Variants in SPTBN5 observed in about 807,000 individuals in gnomAD.
SPTBN5 encodes spectrin beta chain, non-erythrocytic 5.
In SPTBN5, 513 loss-of-function variants were observed where a neutral mutation model predicts 477.6. The ratio of observed to expected loss-of-function variants is 1.07; its 90% CI spans 1.00 to 1.16. The LOEUF is 1.16. Ranked by LOEUF, SPTBN5 falls within the 50% of genes most tolerant of loss-of-function variation. The probability of loss-of-function intolerance (pLI) is 0.00; values close to 1 mark genes in which losing one functional copy is unlikely to be tolerated. For missense variants in SPTBN5, 5,062 were observed against 4,731.8 expected, an observed-to-expected ratio of 1.07 and a Z score of -2.05; for synonymous variants, 2,169 against 2,011.7, an observed-to-expected ratio of 1.08 and a Z score of -2.09.
intron 43 of SPTBN5, 73 bp downstream of exon 43, chr15:41,862,465 AG>A: frequency 6.5e-7 from 1 of 1,541,516 alleles, no homozygotes. Flanking sequence ...AGGGGAACAC[AG>A]GGGCTGAGGG....
intron 13 of SPTBN5, 50 bp downstream of exon 13, chr15:41,880,984 C>A (rs2066930984): frequency 8.0e-6 from 12 of 1,497,728 alleles, no homozygotes; most frequent in South Asian, 1.2e-5. Context: ...TGCACAGGAG[C>A]TGCTGGCACA....
chr15:41,852,500 C>T (rs986934159), intron 61 of SPTBN5, 134 bp downstream of exon 61: 3 of 1,298,534 alleles, frequency 2.3e-6, no homozygotes, highest in Middle Eastern at 2.0e-4. Context: ...TCTCCCACCA[C>T]CGCAGCTGGC....
At position 41,880,200 on chromosome 15, in the gene SPTBN5, G is replaced by A. The variant is rs1251105266; in HGVS notation, c.2771C>T (p.Pro924Leu). The change falls in exon 14 of 68, where the codon CCC (proline) becomes CTC (leucine). Residue 924 changes from proline (P) to leucine (L), a missense_variant. Coordinates refer to ENST00000320955, the MANE Select transcript of SPTBN5 (RefSeq NM_016642.4). ...CATGACCTCCAGGGTGTCAGCCTGGGGCTGCACCCTTTGGAGCAGCACTGT... is the reference window on the plus strand; with the variant it reads ...CATGACCTCCAGGGTGTCAGCCTGGAGCTGCACCCTTTGGAGCAGCACTGT... ...KQTVLLQRVQ[P>L]QADTLEVMQL... 6.2e-7 allele frequency: 1 copy of A among 1,606,650 alleles called. No homozygotes were observed.
Position 41,871,813 on chromosome 15 carries a change from T to C in SPTBN5, c.5270A>G (p.Glu1757Gly). The change falls in exon 28 of 68, where the codon GAG (glutamate) becomes GGG (glycine). Residue 1757 changes from glutamate (E) to glycine (G), a missense_variant. By Grantham distance (98) the Glu-to-Gly change is moderately conservative. Transcript: ENST00000320955. The stretch of plus-strand genomic sequence containing the variant: ...GTGCTCGGGGTCCTCTCCCAGGCTC[T>C]CCCCTCCTTTGGCTGCCTGCTTCTG... ...ASQKQAAKGG[E>G]SLGEDPEHAL... is the part of the protein sequence containing the mutation. The C allele has an allele frequency of 6.3e-7, 1 of 1,591,846 alleles. No individual in the cohort carries two copies. Among genetic ancestry groups the C allele is most frequent in the East Asian group, 2.3e-5 (1 of 43,504 alleles).
rs764707126 is a variant in SPTBN5 at position 41,849,769 on chromosome 15, G to GTT, written c.11012+99_11012+100insAA. 1.6e-5 allele frequency: 15 copies of GTT among 910,754 alleles called. No individual in the cohort carries two copies. In the South Asian group the frequency reaches 2.0e-4, roughly 12 times the overall value. 56.4% of individuals were successfully genotyped at this position (910,754 alleles called of 1,614,324 possible). A position where few individuals can be genotyped will look rare whatever the true frequency, so the allele number is the denominator to read the frequency against. On this transcript the variant is annotated intron_variant, in intron 67 of 67. Coordinates refer to ENST00000320955, the MANE Select transcript of SPTBN5 (RefSeq NM_016642.4). ...TAGCATTTCCCTACAGCCCAACAGAGTAAGTCTGAGGCCCAGAACCTCAGG... is the reference window on the plus strand; with the variant it reads ...TAGCATTTCCCTACAGCCCAACAGAGTTTAAGTCTGAGGCCCAGAACCTCAGG...
At chr15:41,851,955 C>G in intron 62 of SPTBN5, 105 bp from the exon 63 acceptor site, 1 of 1,018,382 alleles carries the variant, frequency 9.8e-7, no homozygotes, top group Non-Finnish European at 1.5e-6. Flanking sequence ...CATCCAAGTA[C>G]TAACCAGGCC....
At chr15:41,866,912 C>G (rs3816534) in intron 36 of SPTBN5, 47 bp downstream of exon 36, 1 of 1,514,686 alleles carries the variant, frequency 6.6e-7, no homozygotes, top group Non-Finnish European at 8.9e-7. Context: ...TGAAAACTGT[C>G]GAGTGTGGTT....
chr15:41,854,648 G>C (rs2065878834), intron 56 of SPTBN5, 134 bp downstream of exon 56: 1 of 727,324 alleles, frequency 1.4e-6, no homozygotes, highest in East Asian at 2.9e-5. Context: ...GAGCAGGTGA[G>C]GGAAAAGGCA....
At position 41,851,296 on chromosome 15, in the gene SPTBN5, C is replaced by G; in HGVS notation, c.10730G>C (p.Arg3577Thr). 6.4e-7 allele frequency: 1 copy of G among 1,551,288 alleles called. No homozygotes were observed. The highest frequency in any genetic ancestry group is 8.7e-7 in the Non-Finnish European group (1 of 1,147,018). ...CCCGCCTGGTACCTCCGCTGCCATC[C>G]TCTCATCCAGGAACAGGCTCAGAGA... is the stretch of plus-strand genomic sequence containing the variant. ...GSSLSLFLDE[R>T]MAAEKVASIA... Residue 3577 changes from arginine (R) to threonine (T), a missense_variant, in exon 64 of 68, where the codon AGG becomes ACG. By Grantham distance (71) the Arg-to-Thr change is moderately conservative. Coordinates refer to ENST00000320955, the MANE Select transcript of SPTBN5 (RefSeq NM_016642.4).
chr15:41,849,776 T>C, intron 67 of SPTBN5, 93 bp downstream of exon 67: 1 of 992,570 alleles, frequency 1.0e-6, no homozygotes. Flanking sequence ...AGAGTAAGTC[T>C]GAGGCCCAGA....
chr15:41,857,535 G>A, intron 50 of SPTBN5, 38 bp downstream of exon 50: 1 of 1,603,982 alleles, frequency 6.2e-7, no homozygotes, highest in Non-Finnish European at 8.5e-7. Flanking sequence ...GAGTGTCCTG[G>A]AGCCCGGCCA....
rs1014709964 is a variant in SPTBN5 at position 41,854,045 on chromosome 15, C to G, written c.9774+5G>C. Reference sequence around the variant, plus strand: ...GACAGGCAGGCTGCAGGGCGTGGGCCTCACCTCCAGGCGCCTGTGCTGTTG... The same window carrying G: ...GACAGGCAGGCTGCAGGGCGTGGGCGTCACCTCCAGGCGCCTGTGCTGTTG... On this transcript the variant is annotated splice_donor_5th_base_variant and intron_variant, in intron 57 of 67. Coordinates refer to ENST00000320955, the MANE Select transcript of SPTBN5 (RefSeq NM_016642.4). The G allele has an allele frequency of 6.4e-7, 1 of 1,558,020 alleles. No homozygotes were observed. Among genetic ancestry groups the G allele is most frequent in the Non-Finnish European group, 8.7e-7 (1 of 1,155,704 alleles).
At chr15:41,891,018 C>A (rs1269313706) in intron 3 of SPTBN5, among the ~76,000 whole-genome samples, 4 of 152,234 alleles carry the variant, frequency 2.6e-5, no homozygotes, top group Non-Finnish European at 5.9e-5. Flanking sequence ...AGTATTCTCC[C>A]AGGTATCTGC....
chr15:41,853,864 C>G (rs917244617), intron 57 of SPTBN5, 77 bp from the exon 58 acceptor site: 2 of 1,449,898 alleles, frequency 1.4e-6, no homozygotes, highest in Non-Finnish European at 1.8e-6. Context: ...AGCACCAGGC[C>G]TCTCTGAGGA....
chr15:41,882,339 C>T lies in SPTBN5; in HGVS notation c.2177G>A (p.Gly726Glu). ...PGERAEAVQG[G>E]WQLLQTRVVG... is the part of the protein sequence containing the mutation. ...CACCCGGGTCTGGAGCAGCTGCCAC[C>T]CTCCCTGAACGGCCTCTGCCCGTTC... Residue 726 changes from glycine (G) to glutamate (E), a missense_variant, in exon 11 of 68, where the codon GGG becomes GAG. By Grantham distance (98) the Gly-to-Glu change is moderately conservative (BLOSUM62 -2). Transcript: ENST00000320955. 1.3e-6 allele frequency: 2 copies of T among 1,534,772 alleles called. No homozygotes were observed. The highest frequency in any genetic ancestry group is 8.7e-7 in the Non-Finnish European group (1 of 1,146,026).
At position 41,881,235 on chromosome 15, in the gene SPTBN5, C is replaced by T. The variant is rs764301300; in HGVS notation, c.2458-1G>A. 9.4e-6 allele frequency: 15 copies of T among 1,601,524 alleles called. No individual in the cohort carries two copies. The Admixed American group carries it at 2.6e-4, about 28-fold the overall frequency. ...CTGGAGGGCTCAGGGCAGAGTTCAC[C>T]TGTGTGACAAAGGGCAGCGCGTCTA... is the stretch of plus-strand genomic sequence containing the variant. On this transcript the variant is annotated splice_acceptor_variant, in intron 12 of 67. Transcript: ENST00000320955. LOFTEE classifies it high-confidence loss of function.
intron 66 of SPTBN5, chr15:41,850,172 G>A (rs2065704546): frequency 1.1e-5 from 6 of 566,362 alleles, no homozygotes; most frequent in African/African-American, 1.9e-5. Flanking sequence ...ACTCCTCACA[G>A]GTGAGTTAAG....
rs375028833 is a variant in SPTBN5 at position 41,861,466 on chromosome 15, G to A, written c.7768C>T (p.Arg2590Cys). ...LFLSSVEKME[R>C]WLCSKEDSLA... is the part of the protein sequence containing the mutation. ...GAGTCTTCCTTGCTGCAAAGCCAAC[G>A]TTCCATCTTCTCCACTGAGCTCAGA... Residue 2590 changes from arginine to cysteine, a missense_variant, in exon 46 of 68, where the codon CGT becomes TGT. Coordinates refer to ENST00000320955, the MANE Select transcript of SPTBN5 (RefSeq NM_016642.4). 7.4e-5 allele frequency: 119 copies of A among 1,613,482 alleles called. No homozygotes were observed. Among genetic ancestry groups the A allele is most frequent in the African/African-American group, 3.6e-4 (27 of 74,940 alleles).
At chr15:41,880,413 A>G in intron 13 of SPTBN5, 101 bp from the exon 14 acceptor site, 2 of 1,325,872 alleles carry the variant, frequency 1.5e-6, no homozygotes, top group Non-Finnish European at 2.0e-6. Flanking sequence ...GCCCACCAGC[A>G]GAGCCCAGGG....
Sources: gnomAD v4.1 joint callset for allele counts (sites outside exome capture counted in the v4.1 genomes callset) on GRCh38, gnomAD v4.1.1 for gene constraint, MANE v1.5 for transcripts, NCBI Gene and HGNC (gene_info 2026-07-23, HGNC 2026-07-21) for gene names.